Variants in CBFA2T3 observed in about 807,000 individuals in gnomAD.
CBFA2T3 encodes CBFA2/RUNX1 partner transcriptional co-repressor 3.
In CBFA2T3, 31 loss-of-function variants were observed where a neutral mutation model predicts 58.6. The ratio of observed to expected loss-of-function variants is 0.53; its 90% CI spans 0.40 to 0.71. CBFA2T3 has a LOEUF of 0.71. Among genes scored for constraint, CBFA2T3 ranks in the 30% least tolerant of loss-of-function variants. The pLI is 0.00. For missense variants in CBFA2T3, 1,076 were observed against 963.1 expected (o/e 1.12, Z -1.55); for synonymous variants, 531 against 421.9 (o/e 1.26, Z -3.17).
rs1357142535 is a variant in CBFA2T3 at position 88,877,073 on chromosome 16, G to A, written c.1865C>T (p.Pro622Leu). ...TTCGCTGGGGCTGGCAGCACCCACA[G>A]GCAGGGAGGGGCCCAGGCTGTGGGC... ...EAAHSLGPSL[P>L]VGAASPSEAG... is the part of the protein sequence containing the mutation. Residue 622 changes from proline to leucine, a missense_variant, in exon 12 of 12, where the codon CCT becomes CTT. Physicochemically the swap from Pro to Leu is moderately conservative, Grantham distance 98. Coordinates refer to ENST00000268679, the MANE Select transcript of CBFA2T3 (RefSeq NM_005187.6). The A allele has an allele frequency of 6.5e-7, 1 of 1,533,160 alleles. No homozygotes were observed. Among genetic ancestry groups the A allele is most frequent in the Non-Finnish European group, 8.8e-7 (1 of 1,138,036 alleles). The allele number at this position is 1,533,160 out of a possible 1,614,324, so 95.0% of individuals were successfully genotyped here. A position where few individuals can be genotyped will look rare whatever the true frequency, so the allele number is the denominator to read the frequency against.
intron 8 of CBFA2T3, 115 bp from the exon 9 acceptor site, chr16:88,881,604 C>A (rs1055309118): frequency 5.7e-6 from 6 of 1,061,356 alleles, no homozygotes; most frequent in South Asian, 3.1e-5. Context: ...CAGCCCACCG[C>A]CCGTGAGAGT....
intron 1 of CBFA2T3, among the ~76,000 whole-genome samples, chr16:88,906,857 C>T (rs978818346): frequency 2.6e-5 from 4 of 152,214 alleles, no homozygotes; most frequent in African/African-American, 9.6e-5. Flanking sequence ...CAGCCTGGAC[C>T]CTGACTCAGC....
intron 1 of CBFA2T3, among the ~76,000 whole-genome samples, chr16:88,966,844 T>A (rs2142875367): frequency 6.6e-6 from 1 of 152,110 alleles, no homozygotes; most frequent in Middle Eastern, 3.4e-3. Context: ...CTGCTGCCCC[T>A]CAGAGACCAG....
chr16:88,951,948 T>C (rs907144047), intron 1 of CBFA2T3, among the ~76,000 whole-genome samples: 3 of 152,172 alleles, frequency 2.0e-5, no homozygotes, highest in African/African-American at 7.2e-5. Flanking sequence ...CAGGTGTCCC[T>C]GACGCCTCCG....
intron 1 of CBFA2T3, 121 bp from the exon 2 acceptor site, chr16:88,901,777 GC>G: frequency 2.4e-6 from 2 of 848,260 alleles, no homozygotes; most frequent in Non-Finnish European, 3.4e-6. Flanking sequence ...GGGGCAGTCT[GC>G]CCCAGGTGTC....
intron 1 of CBFA2T3, 141 bp from the exon 2 acceptor site, chr16:88,901,797 T>C (rs1321451921): frequency 2.9e-6 from 2 of 682,848 alleles, no homozygotes; most frequent in African/African-American, 3.9e-5. Flanking sequence ...TCCTGACAGG[T>C]GGCTGACGTC....
At position 88,964,520 on chromosome 16, in the gene CBFA2T3, C is replaced by T. The variant is rs1287222774; in HGVS notation, c.151+12137G>A. 3.9e-5 allele frequency among the ~76,000 whole-genome samples: 6 copies of T among 152,318 alleles called. No homozygotes were observed. In the South Asian group the frequency reaches 1.0e-3, roughly 26 times the overall value. ...TCACTAATTCCCACTCGTCAGGTTCCGTGTGGCTTTCCTTCTTCATGGGGT... is the reference window on the plus strand; with the variant it reads ...TCACTAATTCCCACTCGTCAGGTTCTGTGTGGCTTTCCTTCTTCATGGGGT... On this transcript the variant is annotated intron_variant, in intron 1 of 11. Coordinates refer to ENST00000268679, the MANE Select transcript of CBFA2T3 (RefSeq NM_005187.6).
chr16:88,976,278 C>T lies in CBFA2T3; in HGVS notation c.151+379G>A, dbSNP rs995137572. On this transcript the variant is annotated intron_variant, in intron 1 of 11. Transcript: ENST00000268679. ...CCAACCTGCTGTGAGGTGTCACACC[C>T]GGAGGGCATCCCAGGAGGAGGAGGG... Among the ~76,000 whole-genome samples the T allele has an allele frequency of 4.6e-5, 7 of 152,316 alleles. 1 individual carries two copies. Among genetic ancestry groups the T allele is most frequent in the East Asian group, 1.9e-4 (1 of 5,188 alleles).
intron 1 of CBFA2T3, among the ~76,000 whole-genome samples, chr16:88,947,594 G>A (rs1021885967): frequency 6.6e-6 from 1 of 152,204 alleles, no homozygotes; most frequent in Non-Finnish European, 1.5e-5. Flanking sequence ...CAATGTGAAT[G>A]TATTACACAT....
chr16:88,906,692 C>T (rs954777446), intron 1 of CBFA2T3, among the ~76,000 whole-genome samples: 1 of 152,266 alleles, frequency 6.6e-6, no homozygotes, highest in Non-Finnish European at 1.5e-5. Flanking sequence ...CGTCTACCCG[C>T]TGCCCCATGA....
intron 1 of CBFA2T3, among the ~76,000 whole-genome samples, chr16:88,912,335 CTGGGGCCAGA>C (rs1325062326): frequency 1.3e-5 from 2 of 152,252 alleles, no homozygotes; most frequent in African/African-American, 2.4e-5. Context: ...GCTGTGCGTC[CTGGGGCCAGA>C]TGGGGACAGA....
At position 88,970,808 on chromosome 16, in the gene CBFA2T3, G is replaced by C. The variant is rs111983245; in HGVS notation, c.151+5849C>G. On this transcript the variant is annotated intron_variant, in intron 1 of 11. Coordinates refer to ENST00000268679, the MANE Select transcript of CBFA2T3 (RefSeq NM_005187.6). ...TCTGCTGAGGGCCCTGCTGCAAGCA[G>C]GCACCAGAGCCCCTGTCTCGTGCAG... 4.6e-5 allele frequency among the ~76,000 whole-genome samples: 7 copies of C among 152,390 alleles called. No homozygotes were observed. The South Asian group carries it at 1.2e-3, about 27-fold the overall frequency.
intron 1 of CBFA2T3, among the ~76,000 whole-genome samples, chr16:88,970,954 G>T (rs553240053): frequency 1.2e-4 from 18 of 152,240 alleles, no homozygotes; most frequent in Admixed American, 8.5e-4. Flanking sequence ...GGGCTCCTCG[G>T]CGAGGGCATA....
intron 1 of CBFA2T3, among the ~76,000 whole-genome samples, chr16:88,911,475 G>C (rs1970529386): frequency 6.6e-6 from 1 of 152,252 alleles, no homozygotes; most frequent in African/African-American, 2.4e-5. Context: ...CTGTGGCCCT[G>C]CCACGGGGAC....
chr16:88,951,261 C>G (rs763742796), intron 1 of CBFA2T3: 4 of 446,068 alleles, frequency 9.0e-6, no homozygotes, highest in Non-Finnish European at 4.5e-6. Flanking sequence ...ACCTGTCTTC[C>G]GGGTCTGTTC....
At chr16:88,925,556 G>A (rs904585509) in intron 1 of CBFA2T3, among the ~76,000 whole-genome samples, 3 of 152,202 alleles carry the variant, frequency 2.0e-5, no homozygotes, top group East Asian at 3.9e-4. Context: ...TGGCAGGCGG[G>A]ACAGGCAGTC....
chr16:88,908,846 G>C (rs1970427861), intron 1 of CBFA2T3, among the ~76,000 whole-genome samples: 1 of 152,276 alleles, frequency 6.6e-6, no homozygotes, highest in East Asian at 1.9e-4. Flanking sequence ...TAGCCACGGT[G>C]ATGACGTCCT....
chr16:88,946,608 G>A (rs1374793701), intron 1 of CBFA2T3, among the ~76,000 whole-genome samples: 2 of 151,668 alleles, frequency 1.3e-5, no homozygotes, highest in Non-Finnish European at 2.9e-5. Flanking sequence ...TCAGCCTCCC[G>A]AGTAGCTGGG....
chr16:88,895,556 C>T (rs926260937), intron 3 of CBFA2T3, among the ~76,000 whole-genome samples: 7 of 152,148 alleles, frequency 4.6e-5, no homozygotes, highest in Admixed American at 1.3e-4. Context: ...GAGCAAACAG[C>T]GCTGGGCACA....
Sources: gnomAD v4.1 joint callset for allele counts (sites outside exome capture counted in the v4.1 genomes callset) on GRCh38, gnomAD v4.1.1 for gene constraint, MANE v1.5 for transcripts, NCBI Gene and HGNC (gene_info 2026-07-23, HGNC 2026-07-21) for gene names.